RBM20: variants seen among roughly 807,000 people sequenced by gnomAD.
The protein encoded by RBM20 is RNA-binding protein 20.
A neutral mutation model predicts 110.1 loss-of-function variants in RBM20; 51 were observed. The ratio of observed to expected loss-of-function variants is 0.46; its 90% confidence interval spans 0.37 to 0.59. The LOEUF (loss-of-function observed/expected upper bound fraction) is 0.59. Ranked by LOEUF, RBM20 falls within the 20% of genes least tolerant of loss-of-function variation. The pLI is 0.00. For synonymous variants in RBM20, 589 were observed against 618.2 expected, an observed-to-expected ratio of 0.95 and a Z score of 0.70; for missense variants, 1,512 against 1,574.9, an observed-to-expected ratio of 0.96 and a Z score of 0.68.
intron 1 of RBM20, among the ~76,000 whole-genome samples, chr10:110,660,937 A>G (rs776812708): frequency 5.9e-5 from 9 of 152,130 alleles, no homozygotes; most frequent in Non-Finnish European, 1.3e-4. Flanking sequence ...CTGACAAATT[A>G]TATAATTTAC....
rs1321477708 is a variant in RBM20 at position 110,836,673 on chromosome 10, A to C, written c.*695A>C. 3 of 152,192 alleles carry C rather than the reference A, an allele frequency of 2.0e-5. No homozygotes were observed. The highest frequency in any genetic ancestry group is 4.4e-5 in the Non-Finnish European group (3 of 68,038). 9.4% of individuals were successfully genotyped at this position (152,192 alleles called of 1,614,324 possible). A position where few individuals can be genotyped will look rare whatever the true frequency, so the allele number is the denominator to read the frequency against. On this transcript the variant is annotated 3_prime_UTR_variant, in exon 14 of 14. Coordinates refer to ENST00000369519, the MANE Select transcript of RBM20 (RefSeq NM_001134363.3). ...CTGCCAGACTTATGCCTTAAAGTAA[A>C]ATTAAATGAATTTTAGAGAAGATGA...
At chr10:110,648,188 G>A (rs1861896643) in intron 1 of RBM20, among the ~76,000 whole-genome samples, 1 of 152,322 alleles carries the variant, frequency 6.6e-6, no homozygotes, top group Non-Finnish European at 1.5e-5. Flanking sequence ...GTAAATGCTT[G>A]TAGTTAATGA....
At chr10:110,663,844 A>C (rs958252141) in intron 1 of RBM20, among the ~76,000 whole-genome samples, 2 of 152,226 alleles carry the variant, frequency 1.3e-5, no homozygotes, top group African/African-American at 4.8e-5. Flanking sequence ...GTAATATTGT[A>C]AGTAAAAATG....
intron 1 of RBM20, among the ~76,000 whole-genome samples, chr10:110,775,051 T>A (rs2181407): frequency 6.6e-6 from 1 of 152,026 alleles, no homozygotes; most frequent in African/African-American, 2.4e-5. Context: ...ATTAATCCTC[T>A]CTTTGCTTTA....
chr10:110,815,041 CAT>C (rs1844821358), intron 9 of RBM20, among the ~76,000 whole-genome samples: 1 of 152,180 alleles, frequency 6.6e-6, no homozygotes, highest in African/African-American at 2.4e-5. Flanking sequence ...GAGCAGGCAA[CAT>C]ATACAGGCAA....
chr10:110,645,753 G>C (rs1255053674), intron 1 of RBM20, among the ~76,000 whole-genome samples: 1 of 152,176 alleles, frequency 6.6e-6, no homozygotes, highest in African/African-American at 2.4e-5. Context: ...ATTAGAAAAC[G>C]CTGGTATCAT....
At chr10:110,832,566 A>G (rs1292544871) in intron 13 of RBM20, among the ~76,000 whole-genome samples, 1 of 152,090 alleles carries the variant, frequency 6.6e-6, no homozygotes, top group Non-Finnish European at 1.5e-5. Flanking sequence ...ATATGGGCCA[A>G]TTTTCTTGTT....
intron 13 of RBM20, among the ~76,000 whole-genome samples, chr10:110,832,493 A>C (rs1456632934): frequency 6.6e-6 from 1 of 152,186 alleles, no homozygotes; most frequent in Non-Finnish European, 1.5e-5. Context: ...GGAATATGTA[A>C]TTTGAGAAAG....
At chr10:110,647,322 T>C (rs1861883255) in intron 1 of RBM20, among the ~76,000 whole-genome samples, 1 of 152,240 alleles carries the variant, frequency 6.6e-6, no homozygotes, top group Non-Finnish European at 1.5e-5. Flanking sequence ...AGATTGCATC[T>C]AGAGTTAATT....
chr10:110,797,514 C>G lies in RBM20; in HGVS notation c.1534C>G (p.Gln512Glu), dbSNP rs1438300488. The change falls in exon 6 of 14, where the codon CAG becomes GAG. Residue 512 changes from glutamine to glutamate, a missense_variant. By Grantham distance (29) the Gln-to-Glu change is conservative. Transcript: ENST00000369519. ...TGATCTTTGTTCCCATTAGTTTGCA[C>G]AGCGGAAAGGGGCTGGCCGTGTGGT... is the stretch of plus-strand genomic sequence containing the variant. ...PLASVGTTFA[Q>E]RKGAGRVVHI... The G allele has an allele frequency of 6.4e-7, 1 of 1,550,518 alleles. No homozygotes were observed. The highest frequency in any genetic ancestry group is 8.7e-7 in the Non-Finnish European group (1 of 1,146,470).
At chr10:110,798,942 G>C (rs898527974) in intron 6 of RBM20, among the ~76,000 whole-genome samples, 1 of 152,146 alleles carries the variant, frequency 6.6e-6, no homozygotes, top group Admixed American at 6.5e-5. Flanking sequence ...AGTCAAAACG[G>C]TCTCTTTGGA....
At chr10:110,741,068 C>G (rs979171255) in intron 1 of RBM20, among the ~76,000 whole-genome samples, 3 of 152,192 alleles carry the variant, frequency 2.0e-5, no homozygotes, top group African/African-American at 4.8e-5. Flanking sequence ...ATTCTCATCT[C>G]TGGTCAGGCT....
At chr10:110,722,794 G>C (rs1443132119) in intron 1 of RBM20, among the ~76,000 whole-genome samples, 1 of 152,066 alleles carries the variant, frequency 6.6e-6, no homozygotes, top group Non-Finnish European at 1.5e-5. Context: ...CTAGGGCTAG[G>C]ACATATACTG....
At chr10:110,666,071 A>G (rs965304021) in intron 1 of RBM20, among the ~76,000 whole-genome samples, 3 of 152,172 alleles carry the variant, frequency 2.0e-5, no homozygotes, top group African/African-American at 7.2e-5. Flanking sequence ...AGGGTTGTAT[A>G]CTAAAGTATA....
chr10:110,773,767 A>G (rs1844223809), intron 1 of RBM20, among the ~76,000 whole-genome samples: 1 of 152,210 alleles, frequency 6.6e-6, no homozygotes. Context: ...TAATAAGTCC[A>G]GCATGAAAGG....
chr10:110,816,248 C>T (rs1844836838), intron 9 of RBM20, among the ~76,000 whole-genome samples: 1 of 152,094 alleles, frequency 6.6e-6, no homozygotes, highest in South Asian at 2.1e-4. Context: ...GATTTCAACA[C>T]CCCAACCTGC....
intron 1 of RBM20, among the ~76,000 whole-genome samples, chr10:110,773,620 A>G (rs552785688): frequency 3.5e-4 from 53 of 152,268 alleles, no homozygotes; most frequent in Non-Finnish European, 5.6e-4. Flanking sequence ...AAAGAAAACT[A>G]TACTATGGGA....
chr10:110,780,711 G>A, intron 1 of RBM20, 90 bp from the exon 2 acceptor site: 1 of 1,363,044 alleles, frequency 7.3e-7, no homozygotes, highest in Non-Finnish European at 9.6e-7. Flanking sequence ...TCTTGTTTAT[G>A]TGGGAGGGGG....
intron 1 of RBM20, among the ~76,000 whole-genome samples, chr10:110,661,547 T>C (rs980818596): frequency 3.3e-5 from 5 of 152,172 alleles, no homozygotes; most frequent in African/African-American, 4.8e-5. Flanking sequence ...ATTCGGACCA[T>C]CTCTGGGTAC....
Sources: gnomAD v4.1 joint callset for allele counts (sites outside exome capture counted in the v4.1 genomes callset) on GRCh38, gnomAD v4.1.1 for gene constraint, MANE v1.5 for transcripts, NCBI Gene and HGNC (gene_info 2026-07-23, HGNC 2026-07-21) for gene names.